Variants in EPHA3 observed in about 807,000 individuals in gnomAD.
EPHA3 encodes ephrin type-A receptor 3.
Under a neutral mutation model 107.1 loss-of-function variants are expected in EPHA3, and 42 were observed. That is an observed-to-expected ratio of 0.39 (90% CI 0.31 to 0.51). The LOEUF (loss-of-function observed/expected upper bound fraction) is 0.51. Among genes scored for constraint, EPHA3 ranks in the 20% least tolerant of loss-of-function variants. EPHA3 has a pLI of 0.78. For synonymous variants in EPHA3, 461 were observed against 424.8 expected (o/e 1.09, Z -1.05); for missense variants, 1,183 against 1,211.2 (o/e 0.98, Z 0.35).
intron 5 of EPHA3, among the ~76,000 whole-genome samples, chr3:89,392,772 CA>C (rs1708771638): frequency 6.6e-6 from 1 of 152,032 alleles, no homozygotes; most frequent in Non-Finnish European, 1.5e-5. Context: ...GTAATTTGAA[CA>C]AATCACTCTT....
intron 13 of EPHA3, among the ~76,000 whole-genome samples, chr3:89,439,736 C>A (rs1709746602): frequency 6.6e-6 from 1 of 151,782 alleles, no homozygotes; most frequent in Non-Finnish European, 1.5e-5. Context: ...CACACACACA[C>A]ACACACACAC....
intron 7 of EPHA3, among the ~76,000 whole-genome samples, chr3:89,403,399 G>T (rs1709001127): frequency 6.6e-6 from 1 of 151,780 alleles, no homozygotes; most frequent in Non-Finnish European, 1.5e-5. Context: ...CAGATTTTGT[G>T]TGTTTTTTTT....
intron 1 of EPHA3, among the ~76,000 whole-genome samples, chr3:89,118,158 A>C (rs1707298905): frequency 6.6e-6 from 1 of 152,032 alleles, no homozygotes; most frequent in Non-Finnish European, 1.5e-5. Flanking sequence ...AGATAAACTT[A>C]GAGGTTTTAT....
chr3:89,187,791 G>T (rs1705607076), intron 2 of EPHA3, among the ~76,000 whole-genome samples: 1 of 152,038 alleles, frequency 6.6e-6, no homozygotes, highest in Admixed American at 6.6e-5. Context: ...GAGATAATTG[G>T]CCATGACATA....
intron 2 of EPHA3, among the ~76,000 whole-genome samples, chr3:89,205,961 A>G (rs1216196058): frequency 1.3e-5 from 2 of 152,192 alleles, no homozygotes; most frequent in African/African-American, 4.8e-5. Flanking sequence ...CATGAGCATT[A>G]TAACAGCAGC....
intron 3 of EPHA3, among the ~76,000 whole-genome samples, chr3:89,263,829 G>T (rs1475942141): frequency 1.3e-5 from 2 of 152,106 alleles, no homozygotes; most frequent in African/African-American, 4.8e-5. Flanking sequence ...TGGCTTGATG[G>T]TGGGGTTTCA....
chr3:89,385,818 GA>G (rs1708606804), intron 5 of EPHA3, among the ~76,000 whole-genome samples: 1 of 152,212 alleles, frequency 6.6e-6, no homozygotes, highest in African/African-American at 2.4e-5. Flanking sequence ...TTAGAAGACA[GA>G]AAGATGTGGG....
At chr3:89,207,178 G>A (rs1044873742) in intron 2 of EPHA3, among the ~76,000 whole-genome samples, 2 of 152,146 alleles carry the variant, frequency 1.3e-5, no homozygotes, top group African/African-American at 4.8e-5. Flanking sequence ...TTCCCCTAAT[G>A]AGGCTTAAAG....
chr3:89,229,961 G>A (rs193189065), intron 3 of EPHA3, among the ~76,000 whole-genome samples: 23 of 152,052 alleles, frequency 1.5e-4, no homozygotes, highest in Non-Finnish European at 2.8e-4. Flanking sequence ...GTTAGAAATG[G>A]CATAATTTTC....
At chr3:89,232,471 GT>G (rs548738640) in intron 3 of EPHA3, among the ~76,000 whole-genome samples, 71 of 152,230 alleles carry the variant, frequency 4.7e-4, no homozygotes, top group African/African-American at 1.7e-3. Context: ...ACAGAAAGGT[GT>G]CAGAGTCTTC....
At chr3:89,432,055 T>G (rs1709579103) in intron 13 of EPHA3, among the ~76,000 whole-genome samples, 1 of 152,150 alleles carries the variant, frequency 6.6e-6, no homozygotes, top group Non-Finnish European at 1.5e-5. Context: ...TGTATCTTTT[T>G]TAAAGCAAAC....
chr3:89,211,248 C>T (rs531112655), intron 3 of EPHA3, among the ~76,000 whole-genome samples: 3 of 151,906 alleles, frequency 2.0e-5, no homozygotes, highest in Non-Finnish European at 2.9e-5. Context: ...ATTAAAATCG[C>T]TTTATATTTT....
chr3:89,230,824 T>TCTCA (rs1704614200), intron 3 of EPHA3, among the ~76,000 whole-genome samples: 4 of 139,574 alleles, frequency 2.9e-5, no homozygotes, highest in African/African-American at 1.1e-4. Context: ...TCTCTCTCTC[T>TCTCA]CACACACACA....
intron 5 of EPHA3, among the ~76,000 whole-genome samples, chr3:89,363,347 C>T (rs561992975): frequency 1.2e-4 from 18 of 150,640 alleles, no homozygotes; most frequent in Admixed American, 9.3e-4. Flanking sequence ...GTGGAGGCTG[C>T]CAAATCCACA....
chr3:89,261,357 T>C (rs73135443), intron 3 of EPHA3, among the ~76,000 whole-genome samples: 13 of 152,318 alleles, frequency 8.5e-5, no homozygotes, highest in Non-Finnish European at 1.6e-4. Context: ...CTCCTTTGAA[T>C]ACTTCAGCCT....
At chr3:89,111,794 G>C (rs1227713467) in intron 1 of EPHA3, among the ~76,000 whole-genome samples, 2 of 151,844 alleles carry the variant, frequency 1.3e-5, no homozygotes, top group Non-Finnish European at 2.9e-5. Context: ...TAATTTGAGT[G>C]GTGAAAAGGT....
At chr3:89,377,635 A>G (rs1559671816) in intron 5 of EPHA3, among the ~76,000 whole-genome samples, 2 of 152,242 alleles carry the variant, frequency 1.3e-5, no homozygotes, top group Admixed American at 6.5e-5. Context: ...CTTTGCCTCT[A>G]GCATTTTTCC....
At chr3:89,242,681 C>T (rs140361605) in intron 3 of EPHA3, among the ~76,000 whole-genome samples, 2,004 of 152,242 alleles carry the variant, frequency 0.013, 21 homozygotes, top group Non-Finnish European at 0.017. Context: ...TTGTGATCTG[C>T]CTGCCTCAGC....
intron 5 of EPHA3, among the ~76,000 whole-genome samples, chr3:89,380,830 G>A (rs550218383): frequency 8.0e-5 from 12 of 150,304 alleles, no homozygotes; most frequent in East Asian, 2.0e-4. Flanking sequence ...GGGCAGTGGC[G>A]CAATCTTGGC....
Sources: gnomAD v4.1 joint callset for allele counts (sites outside exome capture counted in the v4.1 genomes callset) on GRCh38, gnomAD v4.1.1 for gene constraint, MANE v1.5 for transcripts, NCBI Gene and HGNC (gene_info 2026-07-23, HGNC 2026-07-21) for gene names.